PHEX: variants seen among roughly 807,000 people sequenced by gnomAD.
The protein encoded by PHEX is phosphate regulating endopeptidase X-linked, also known as phosphate-regulating neutral endopeptidase PHEX.
Under a neutral mutation model 68.0 loss-of-function variants are expected in PHEX, and 16 were observed. The observed-to-expected ratio is 0.24, with a 90% CI of 0.16 to 0.36. PHEX has a LOEUF of 0.36. PHEX is among the 10% of genes least tolerant of loss of function. The pLI is 1.00. For synonymous variants in PHEX, 208 were observed against 205.1 expected (o/e 1.01, Z -0.12); for missense variants, 480 against 575.5 (o/e 0.83, Z 1.70).
chrX:22,234,444 C>CT (rs754611394), intron 20 of PHEX, among the ~76,000 whole-genome samples: 1,819 of 105,767 alleles, frequency 0.017, 39 homozygotes, highest in African/African-American at 0.058. Flanking sequence ...GGGCTGTTGC[C>CT]TTTTTTTTTT....
At chrX:22,130,617 C>T (rs1044043326) in intron 11 of PHEX, among the ~76,000 whole-genome samples, 1 of 109,086 alleles carries the variant, frequency 9.2e-6, no homozygotes, top group Non-Finnish European at 1.9e-5. Context: ...CGGAGATTTC[C>T]TTGTCATTTT....
intron 12 of PHEX, among the ~76,000 whole-genome samples, chrX:22,159,049 A>G (rs1933032292): frequency 8.8e-6 from 1 of 113,212 alleles, no homozygotes; most frequent in African/African-American, 3.2e-5. Flanking sequence ...TCGCATGTAA[A>G]TGGTAGTAAT....
Position 22,178,663 on chromosome X carries a change from G to T in PHEX, c.1586+287G>T, listed in dbSNP as rs7881294. ...GTCTAGATCTAGTTATGAATATATA[G>T]AGAGGGAATAATTTCTCTGGATTTT... On this transcript the variant is annotated intron_variant, in intron 14 of 21. Transcript: ENST00000379374. Among the ~76,000 whole-genome samples the T allele has an allele frequency of 0.24, 26,590 of 110,830 alleles. 2,539 individuals carry two copies. The highest frequency in any genetic ancestry group is 0.29 in the African/African-American group (8,960 of 30,463).
At chrX:22,048,240 C>A (rs1306661433) in intron 3 of PHEX, among the ~76,000 whole-genome samples, 1 of 110,563 alleles carries the variant, frequency 9.0e-6, no homozygotes. Context: ...ATTAGGAGAC[C>A]CAAATTTAGT....
At chrX:22,037,326 G>C (rs1193075547) in intron 1 of PHEX, among the ~76,000 whole-genome samples, 11 of 110,759 alleles carry the variant, frequency 9.9e-5, no homozygotes, top group Non-Finnish European at 2.1e-4. Context: ...AGGTACTGCC[G>C]AGCTTTCTGC....
intron 1 of PHEX, 150 bp from the exon 2 acceptor site, chrX:22,038,319 T>C: frequency 1.8e-6 from 1 of 551,333 alleles, no homozygotes; most frequent in Admixed American, 2.3e-5. Flanking sequence ...GAGTCTGGTT[T>C]CGTGACATTG....
At chrX:22,101,335 A>G (rs2147049809) in intron 9 of PHEX, among the ~76,000 whole-genome samples, 1 of 112,453 alleles carries the variant, frequency 8.9e-6, no homozygotes, top group South Asian at 3.7e-4. Flanking sequence ...TTTTATTTGC[A>G]GACTATGGTG....
At chrX:22,037,128 T>C (rs755993579) in intron 1 of PHEX, among the ~76,000 whole-genome samples, 7 of 106,364 alleles carry the variant, frequency 6.6e-5, no homozygotes, top group Non-Finnish European at 1.2e-4. Context: ...AGGACTGAGA[T>C]GTTTCATCGG....
chrX:22,168,025 C>A (rs921964679), intron 12 of PHEX, among the ~76,000 whole-genome samples: 1 of 111,560 alleles, frequency 9.0e-6, no homozygotes, highest in African/African-American at 3.3e-5. Context: ...TTTCTCCATG[C>A]AGAAACAGTC....
rs3838957 is a variant in PHEX, at chrX:22,227,860, T to TTTGA, written c.2070+251_2070+254dup. Among the ~76,000 whole-genome samples the TTTGA allele has an allele frequency of 0.086, 9,646 of 111,674 alleles. 411 individuals carry two copies. The highest frequency in any genetic ancestry group is 0.24 in the East Asian group (828 of 3,513). The stretch of plus-strand genomic sequence containing the variant: ...GGGTTAGCAGCCCTGTGGTAATTCA[T>TTTGA]TTGATAGTTCCTCAATGTATCTTGA... On this transcript the variant is annotated intron_variant, in intron 20 of 21. Coordinates refer to ENST00000379374, the MANE Select transcript of PHEX (RefSeq NM_000444.6).
intron 5 of PHEX, among the ~76,000 whole-genome samples, chrX:22,088,805 A>G (rs1032134995): frequency 1.8e-5 from 2 of 111,668 alleles, no homozygotes; most frequent in Non-Finnish European, 3.8e-5. Context: ...CAATGTCGAT[A>G]AAGTCTAATT....
intron 12 of PHEX, among the ~76,000 whole-genome samples, chrX:22,143,600 A>G (rs752869749): frequency 9.0e-6 from 1 of 111,669 alleles, no homozygotes; most frequent in South Asian, 3.8e-4. Context: ...ACAACTACCA[A>G]TCTGCTTTTT....
At position 22,199,669 on chromosome X, in the gene PHEX, A is replaced by G. The variant is rs184074358; in HGVS notation, c.1645+9167A>G. ...CAGTGCTTGTGCCCAAGTAACCCTT[A>G]TGTTACTTAATAATGGCCCCAAAGC... is the stretch of plus-strand genomic sequence containing the variant. On this transcript the variant is annotated intron_variant, in intron 15 of 21. Transcript: ENST00000379374. Among the ~76,000 whole-genome samples the G allele has an allele frequency of 3.6e-3, 400 of 111,888 alleles. 2 individuals carry two copies. Among genetic ancestry groups the G allele is most frequent in the African/African-American group, 0.012 (375 of 30,764 alleles).
chrX:22,194,852 G>A (rs773940785), intron 15 of PHEX, among the ~76,000 whole-genome samples: 6 of 112,222 alleles, frequency 5.3e-5, no homozygotes, highest in Non-Finnish European at 1.1e-4. Flanking sequence ...AAATTATAAT[G>A]ATTTAAATCT....
intron 5 of PHEX, among the ~76,000 whole-genome samples, chrX:22,082,298 G>A (rs1040496757): frequency 1.8e-5 from 2 of 111,821 alleles, no homozygotes; most frequent in African/African-American, 6.5e-5. Context: ...TTTCCACAGT[G>A]GCTGGACTAA....
chrX:22,223,151 G>C (rs1488601699), intron 18 of PHEX, among the ~76,000 whole-genome samples: 2 of 112,110 alleles, frequency 1.8e-5, no homozygotes, highest in African/African-American at 6.5e-5. Context: ...TCCCACAGGA[G>C]AGTGGGTGGC....
rs1396367197 is a variant in PHEX, at chrX:22,097,041, T to G, written c.933+3T>G. On this transcript the variant is annotated splice_donor_region_variant and intron_variant, in intron 8 of 21. Coordinates refer to ENST00000379374, the MANE Select transcript of PHEX (RefSeq NM_000444.6). Reference sequence around the variant, plus strand: ...AACTGAGTGCTATGATTCCCCAGGTTGGTGAAAACTATCCAGAAAACTTTC... The same window carrying G: ...AACTGAGTGCTATGATTCCCCAGGTGGGTGAAAACTATCCAGAAAACTTTC... 8.7e-7 allele frequency: 1 copy of G among 1,149,546 alleles called. No individual in the cohort carries two copies. The highest frequency in any genetic ancestry group is 1.8e-5 in the African/African-American group (1 of 56,765). The allele number at this position is 1,149,546 out of a possible 1,213,427, so 94.7% of individuals were successfully genotyped here. A position where few individuals can be genotyped will look rare whatever the true frequency, so the allele number is the denominator to read the frequency against.
At chrX:22,152,499 C>G (rs1328412527) in intron 12 of PHEX, among the ~76,000 whole-genome samples, 2 of 111,333 alleles carry the variant, frequency 1.8e-5, no homozygotes, top group African/African-American at 6.6e-5. Context: ...TCTCTTACAT[C>G]GCATTCTCTC....
In PHEX at chrX:22,206,464, A is replaced by C. The variant is rs181539182; in HGVS notation, c.1646-6440A>C. On this transcript the variant is annotated intron_variant, in intron 15 of 21. Transcript: ENST00000379374. Reference sequence around the variant, plus strand: ...AAAATAAAAATCCCTTTTGTCATGGAACTTGCATTCTAGTTGGGGAAAGAC... The same window carrying C: ...AAAATAAAAATCCCTTTTGTCATGGCACTTGCATTCTAGTTGGGGAAAGAC... Among the ~76,000 whole-genome samples, 342 of 111,838 alleles carry C rather than the reference A, an allele frequency of 3.1e-3. 2 individuals carry two copies. Among genetic ancestry groups the C allele is most frequent in the African/African-American group, 0.011 (327 of 30,803 alleles).
Sources: gnomAD v4.1 joint callset for allele counts (sites outside exome capture counted in the v4.1 genomes callset) on GRCh38, gnomAD v4.1.1 for gene constraint, MANE v1.5 for transcripts, NCBI Gene and HGNC (gene_info 2026-07-23, HGNC 2026-07-21) for gene names.